KRT79: variants seen among roughly 807,000 people sequenced by gnomAD.
KRT79 encodes the protein keratin 79, also known as keratin, type II cytoskeletal 79.
In KRT79, 51 loss-of-function variants were observed where a neutral mutation model predicts 49.0. The ratio of observed to expected loss-of-function variants is 1.04; its 90% confidence interval spans 0.83 to 1.31. The LOEUF (loss-of-function observed/expected upper bound fraction) is 1.31, where lower values mean the gene tolerates loss of function less well. Among genes scored for constraint, KRT79 ranks in the 40% most tolerant of loss-of-function variants. The pLI is 0.00. For synonymous variants in KRT79, 312 were observed against 286.6 expected (o/e 1.09, Z -0.90); for missense variants, 728 against 688.0 (o/e 1.06, Z -0.65).
At chr12:52,825,147 G>C (rs566724429) in intron 4 of KRT79, among the ~76,000 whole-genome samples, 9 of 152,186 alleles carry the variant, frequency 5.9e-5, no homozygotes, top group Non-Finnish European at 1.3e-4. Context: ...CCCACGTGGG[G>C]CTCTGCCTCC....
In KRT79 at chr12:52,821,988, T is replaced by C. The variant is rs761672779; in HGVS notation, c.1492A>G (p.Lys498Glu). The change falls in exon 9 of 9, where the codon AAG becomes GAG. Residue 498 changes from lysine to glutamate, a missense_variant. Coordinates refer to ENST00000330553, the MANE Select transcript of KRT79 (RefSeq NM_175834.3). ...ISLGGSGGAT[K>E]GGFSTNVGYS... ...CCCACATTTGTGCTGAATCCACCCT[T>C]GGTGGCCCCCCCACTCCCACCCAGG... 5.6e-6 allele frequency: 9 copies of C among 1,614,132 alleles called. No individual in the cohort carries two copies. In the Admixed American group the frequency reaches 1.0e-4, roughly 18 times the overall value.
chr12:52,822,294 G>A (rs2121274034), intron 8 of KRT79, 51 bp downstream of exon 8: 1 of 1,581,874 alleles, frequency 6.3e-7, no homozygotes. Context: ...ACTGAGCAGA[G>A]TTCTGGGGCC....
chr12:52,830,042 A>T lies in KRT79; in HGVS notation c.836T>A (p.Leu279Gln). ...CCTCACCATTTCATAGAGTTGCTGCAGGAAGTCAATCTCCTGGGTCAAGGT... is the reference window on the plus strand; with the variant it reads ...CCTCACCATTTCATAGAGTTGCTGCTGGAAGTCAATCTCCTGGGTCAAGGT... ...VGTLTQEIDF[L>Q]QQLYEMELSQ... Residue 279 changes from leucine to glutamine, a missense_variant, in exon 4 of 9, where the codon CTG (leucine) becomes CAG (glutamine). Coordinates refer to ENST00000330553, the MANE Select transcript of KRT79 (RefSeq NM_175834.3). 1 of 1,614,206 alleles carries T rather than the reference A, an allele frequency of 6.2e-7. No individual in the cohort carries two copies. The highest frequency in any genetic ancestry group is 2.2e-5 in the East Asian group (1 of 44,886).
chr12:52,822,304 C>T (rs1237030017), intron 8 of KRT79, 41 bp downstream of exon 8: 1 of 1,596,806 alleles, frequency 6.3e-7, no homozygotes, highest in South Asian at 1.1e-5. Context: ...GTTCTGGGGC[C>T]TGGCCAGGGG....
chr12:52,821,817 G>C lies in KRT79; in HGVS notation c.*55C>G, dbSNP rs1940091201. 6.7e-7 allele frequency: 1 copy of C among 1,502,188 alleles called. No individual in the cohort carries two copies. Among genetic ancestry groups the C allele is most frequent in the Middle Eastern group, 1.7e-4 (1 of 5,774 alleles). 93.1% of individuals were successfully genotyped at this position (1,502,188 alleles called of 1,614,324 possible). ...AGAAGTGACTGGAAAGGACAGCAGA[G>C]GTGGGGTGAGGAGGGCAGGGACAGG... On this transcript the variant is annotated 3_prime_UTR_variant, in exon 9 of 9. Transcript: ENST00000330553.
intron 1 of KRT79, 150 bp from the exon 2 acceptor site, chr12:52,831,776 A>C: frequency 1.6e-6 from 1 of 637,100 alleles, no homozygotes; most frequent in Admixed American, 2.7e-5. Context: ...GGCACTCCTT[A>C]GGGGAATAGA....
In KRT79 at chr12:52,824,327, G is replaced by A. The variant is rs1940147474; in HGVS notation, c.891C>T (p.Thr297=). 1.2e-6 allele frequency: 2 copies of A among 1,614,072 alleles called. No homozygotes were observed. Among genetic ancestry groups the A allele is most frequent in the African/African-American group, 2.7e-5 (2 of 74,930 alleles). Residue 297 remains threonine, a synonymous_variant, in exon 5 of 9, where the codon ACC becomes ACT. Transcript: ENST00000330553. ...TGTTGTCCATGGACAGCACCACATT[G>A]GTGTTAGACACGTGGGTCTGCACTT... ...LSQVQTHVSN[T]NVVLSMDNNR...
Position 52,821,810 on chromosome 12 carries a change from C to T in KRT79, c.*62G>A, listed in dbSNP as rs529928750. On this transcript the variant is annotated 3_prime_UTR_variant, in exon 9 of 9. Transcript: ENST00000330553. ...GCTCCTGAGAAGTGACTGGAAAGGACAGCAGAGGTGGGGTGAGGAGGGCAG... is the reference window on the plus strand; with the variant it reads ...GCTCCTGAGAAGTGACTGGAAAGGATAGCAGAGGTGGGGTGAGGAGGGCAG... 4.1e-6 allele frequency: 6 copies of T among 1,464,774 alleles called. No individual in the cohort carries two copies. The highest frequency in any genetic ancestry group is 1.8e-5 in the Admixed American group (1 of 55,368). 90.7% of individuals were successfully genotyped at this position (1,464,774 alleles called of 1,614,324 possible). A position where few individuals can be genotyped will look rare whatever the true frequency, so the allele number is the denominator to read the frequency against.
chr12:52,823,012 C>A lies in KRT79; in HGVS notation c.1367+4G>T, dbSNP rs1156726300. On this transcript the variant is annotated splice_donor_region_variant and intron_variant, in intron 7 of 8. Transcript: ENST00000330553. ...TTTCTGGGTCGGGCAGGAGGGGCCA[C>A]CACCTGCTCTCCTCGCTCTCCAGAA... is the stretch of plus-strand genomic sequence containing the variant. 1 of 1,613,602 alleles carries A rather than the reference C, an allele frequency of 6.2e-7. No homozygotes were observed. The highest frequency in any genetic ancestry group is 2.2e-5 in the East Asian group (1 of 44,876).
chr12:52,829,480 G>C (rs1940219561), intron 4 of KRT79, among the ~76,000 whole-genome samples: 1 of 152,206 alleles, frequency 6.6e-6, no homozygotes, highest in African/African-American at 2.4e-5. Flanking sequence ...CAGGGTCCTT[G>C]ACTATAAAAT....
chr12:52,822,149 T>TG (rs1363780600), intron 8 of KRT79, 72 bp from the exon 9 acceptor site: 1 of 1,497,204 alleles, frequency 6.7e-7, no homozygotes, highest in Non-Finnish European at 9.2e-7. Flanking sequence ...CAGAAATCAG[T>TG]GGGGAATCAG....
At chr12:52,829,714 A>G (rs971345449) in intron 4 of KRT79, among the ~76,000 whole-genome samples, 1 of 152,214 alleles carries the variant, frequency 6.6e-6, no homozygotes, top group Non-Finnish European at 1.5e-5. Flanking sequence ...CAGCCTGGCC[A>G]ACATGGCAAA....
Position 52,821,875 on chromosome 12 carries a change from A to G in KRT79, c.1605T>C (p.Tyr535=). 2 of 1,613,338 alleles carry G rather than the reference A, an allele frequency of 1.2e-6. No individual in the cohort carries two copies. The highest frequency in any genetic ancestry group is 1.3e-5 in the African/African-American group (1 of 75,032). Residue 535 remains tyrosine, a synonymous_variant, in exon 9 of 9, where the codon TAT becomes TAC. Coordinates refer to ENST00000330553, the MANE Select transcript of KRT79 (RefSeq NM_175834.3). ...GGGCCCTTGCAGGGCTCAGCAGCTA[A>G]TACCTCTGGCTGGACGTCTTGACCG... ...TTTVKTSSQR[Y]
Position 52,830,283 on chromosome 12 carries a change from A to T in KRT79, c.708T>A (p.Asp236Glu), listed in dbSNP as rs1272994992. Reference protein sequence around the residue: ...LVEDFKNKYEDEINKHTAAEN... With the variant: ...LVEDFKNKYEEEINKHTAAEN... ...CTGCAGCAGTGTGCTTGTTGATTTC[A>T]TCCTCGTACCTGTTACACATGGGAG... Residue 236 changes from aspartate to glutamate, a missense_variant, in exon 3 of 9, where the codon GAT becomes GAA. Coordinates refer to ENST00000330553, the MANE Select transcript of KRT79 (RefSeq NM_175834.3). 6.2e-7 allele frequency: 1 copy of T among 1,614,212 alleles called. No homozygotes were observed. Among genetic ancestry groups the T allele is most frequent in the Middle Eastern group, 1.6e-4 (1 of 6,062 alleles).
chr12:52,826,543 C>T (rs998734128), intron 4 of KRT79, among the ~76,000 whole-genome samples: 3 of 150,474 alleles, frequency 2.0e-5, no homozygotes, highest in Admixed American at 6.6e-5. Flanking sequence ...TCAGGCTTTC[C>T]GATGAAAGGG....
intron 2 of KRT79, 44 bp from the exon 3 acceptor site, chr12:52,830,336 C>T (rs755567953): frequency 5.1e-6 from 8 of 1,583,122 alleles, no homozygotes; most frequent in East Asian, 2.2e-5. Flanking sequence ...CCTGGCTCTG[C>T]CTTTCAGGCA....
In KRT79 at chr12:52,833,830, T is replaced by G; in HGVS notation, c.431A>C (p.Glu144Ala). Residue 144 changes from glutamate (E) to alanine (A), a missense_variant, in exon 1 of 9, where the codon GAG becomes GCG. Coordinates refer to ENST00000330553, the MANE Select transcript of KRT79 (RefSeq NM_175834.3). ...CTTGTTGTTGAGGGTCTTGATCTGC[T>G]CCCGCTCCTGAGTGCGCACTCGCTG... ...EIQRVRTQER[E>A]QIKTLNNKFA... The G allele has an allele frequency of 6.2e-7, 1 of 1,613,482 alleles. No homozygotes were observed.
intron 1 of KRT79, 38 bp downstream of exon 1, chr12:52,833,746 T>TC: frequency 6.4e-7 from 1 of 1,550,610 alleles, no homozygotes; most frequent in South Asian, 1.1e-5. Flanking sequence ...TCCCGCTTCT[T>TC]CCCCAAGAGC....
chr12:52,822,062 G>A lies in KRT79; in HGVS notation c.1418C>T (p.Ser473Phe). 6.2e-7 allele frequency: 1 copy of A among 1,614,066 alleles called. No homozygotes were observed. The highest frequency in any genetic ancestry group is 1.3e-5 in the African/African-American group (1 of 75,070). The change falls in exon 9 of 9, where the codon TCC becomes TTC. Residue 473 changes from serine (S) to phenylalanine (F), a missense_variant. By Grantham distance (155) the Ser-to-Phe change is radical. Coordinates refer to ENST00000330553, the MANE Select transcript of KRT79 (RefSeq NM_175834.3). The stretch of plus-strand genomic sequence containing the variant: ...TGCGCCACCTCCGCACACAGTGGTG[G>A]AGTTGCCAGTCACAGCTGCAAAGCA... ...SAVSISVTGN[S>F]TTVCGGGAAS...
Sources: gnomAD v4.1 joint callset for allele counts (sites outside exome capture counted in the v4.1 genomes callset) on GRCh38, gnomAD v4.1.1 for gene constraint, MANE v1.5 for transcripts, NCBI Gene and HGNC (gene_info 2026-07-23, HGNC 2026-07-21) for gene names.